The following BTRC variants were observed in gnomAD, a reference collection of about 807,000 sequenced individuals.
BTRC encodes the protein beta-transducin repeat containing E3 ubiquitin protein ligase.
Under a neutral mutation model 85.5 loss-of-function variants are expected in BTRC, and 42 were observed. The observed-to-expected ratio is 0.49, with a 90% confidence interval of 0.38 to 0.64. The LOEUF (loss-of-function observed/expected upper bound fraction) is 0.64. Among genes scored for constraint, BTRC ranks in the 30% least tolerant of loss-of-function variants. BTRC has a pLI of 0.00. For synonymous variants in BTRC, 255 were observed against 263.3 expected, an observed-to-expected ratio of 0.97 and a Z score of 0.30; for missense variants, 594 against 743.5, an observed-to-expected ratio of 0.80 and a Z score of 2.34.
chr10:101,373,867 G>A (rs187431076), intron 1 of BTRC, among the ~76,000 whole-genome samples: 2 of 151,430 alleles, frequency 1.3e-5, no homozygotes, highest in African/African-American at 4.8e-5. Context: ...GCAATGAGCC[G>A]AGATCGTGCC....
chr10:101,455,490 A>T, intron 2 of BTRC, among the ~76,000 whole-genome samples: 1 of 152,134 alleles, frequency 6.6e-6, no homozygotes, highest in East Asian at 1.9e-4. Context: ...GCCAATTGGA[A>T]GTGAAGTTTT....
chr10:101,479,181 C>G (rs796651018), intron 3 of BTRC, among the ~76,000 whole-genome samples, 187 bp from the exon 4 acceptor site: 52 of 149,686 alleles, frequency 3.5e-4, no homozygotes, highest in African/African-American at 1.2e-3. Flanking sequence ...ATGGGCACAT[C>G]AGTGGCTTTT....
At chr10:101,484,646 C>T (rs145959463) in intron 4 of BTRC, among the ~76,000 whole-genome samples, 1,993 of 152,186 alleles carry the variant, frequency 0.013, 24 homozygotes, top group Non-Finnish European at 0.018. Flanking sequence ...TCATATGGTC[C>T]GTTCTTCACA....
chr10:101,418,252 C>T (rs946100426), intron 1 of BTRC, among the ~76,000 whole-genome samples: 2 of 151,920 alleles, frequency 1.3e-5, no homozygotes, highest in African/African-American at 2.4e-5. Flanking sequence ...CCTGTAGTCC[C>T]AGCTACTCAG....
At chr10:101,447,529 A>G (rs1944858424) in intron 2 of BTRC, among the ~76,000 whole-genome samples, 1 of 152,214 alleles carries the variant, frequency 6.6e-6, no homozygotes, top group South Asian at 2.1e-4. Flanking sequence ...CTAATTCTGT[A>G]CTGTAAGAAC....
At position 101,408,537 on chromosome 10, in the gene BTRC, A is replaced by T. The variant is rs1943690380; in HGVS notation, c.49-21808A>T. 2.0e-5 allele frequency among the ~76,000 whole-genome samples: 3 copies of T among 152,066 alleles called. No individual in the cohort carries two copies. In the South Asian group the frequency reaches 6.2e-4, roughly 31 times the overall value. On this transcript the variant is annotated intron_variant, in intron 1 of 14. Coordinates refer to ENST00000370187, the MANE Select transcript of BTRC (RefSeq NM_033637.4). ...GCCCAGGCTGGTCTCCAACTCATGG[A>T]CGCAAGCGATCTGCCACCTGGGCCT...
intron 4 of BTRC, among the ~76,000 whole-genome samples, chr10:101,490,240 A>C (rs1589542103): frequency 1.1e-4 from 15 of 134,702 alleles, no homozygotes; most frequent in Admixed American, 1.5e-4. Context: ...TCCCTCCCTC[A>C]CTCCCTGCCT....
At chr10:101,435,216 T>C (rs1053254264) in intron 2 of BTRC, among the ~76,000 whole-genome samples, 1 of 152,182 alleles carries the variant, frequency 6.6e-6, no homozygotes, top group Non-Finnish European at 1.5e-5. Context: ...TTTATTTAGG[T>C]AAAATTTACA....
intron 4 of BTRC, among the ~76,000 whole-genome samples, chr10:101,518,865 G>A (rs2062060601): frequency 6.6e-6 from 1 of 152,082 alleles, no homozygotes; most frequent in Non-Finnish European, 1.5e-5. Flanking sequence ...AATCCTATTA[G>A]TTTTTTGTTA....
At chr10:101,405,928 G>T (rs564013589) in intron 1 of BTRC, among the ~76,000 whole-genome samples, 2 of 152,254 alleles carry the variant, frequency 1.3e-5, no homozygotes, top group African/African-American at 4.8e-5. Flanking sequence ...GTTGTTGGGT[G>T]AAGTGTTCTA....
At chr10:101,370,131 G>A (rs1379670253) in intron 1 of BTRC, among the ~76,000 whole-genome samples, 2 of 151,926 alleles carry the variant, frequency 1.3e-5, no homozygotes, top group East Asian at 1.9e-4. Flanking sequence ...TTTTTTGTTT[G>A]TTTTGAGACA....
chr10:101,447,956 AT>A (rs1944869396), intron 2 of BTRC, among the ~76,000 whole-genome samples: 1 of 152,126 alleles, frequency 6.6e-6, no homozygotes, highest in African/African-American at 2.4e-5. Context: ...TGATAGTAAA[AT>A]TTTCTATAAT....
chr10:101,454,881 TG>T (rs1337456392), intron 2 of BTRC, among the ~76,000 whole-genome samples: 1 of 152,134 alleles, frequency 6.6e-6, no homozygotes, highest in Non-Finnish European at 1.5e-5. Context: ...AGATGTGTTG[TG>T]GGAAATAACT....
intron 2 of BTRC, among the ~76,000 whole-genome samples, chr10:101,440,517 T>C (rs1417677407): frequency 6.6e-6 from 1 of 152,066 alleles, no homozygotes; most frequent in Non-Finnish European, 1.5e-5. Flanking sequence ...GCTCAGAAAT[T>C]CGAGACCAGC....
intron 4 of BTRC, among the ~76,000 whole-genome samples, chr10:101,484,201 A>C (rs1370320507): frequency 6.6e-6 from 1 of 152,186 alleles, no homozygotes; most frequent in African/African-American, 2.4e-5. Context: ...AAACTGACTG[A>C]GACAGAAAAA....
At chr10:101,408,354 T>C (rs1353539872) in intron 1 of BTRC, among the ~76,000 whole-genome samples, 1 of 152,176 alleles carries the variant, frequency 6.6e-6, no homozygotes, top group Non-Finnish European at 1.5e-5. Context: ...TCACCCAGGC[T>C]GAAATGCAGT....
In BTRC at chr10:101,550,813, GAACCCCCCCGTTC is replaced by G. The variant is rs769349586; in HGVS notation, c.1772_1784del (p.Glu591AlafsTer13). The stretch of plus-strand genomic sequence containing the variant: ...CCTAAATGATCCAGCTGCCCAAGCT[GAACCCCCCCGTTC>G]CCCTTCTCGAACATACACCTACATC... On this transcript the variant is annotated frameshift_variant, in exon 14 of 15. Transcript: ENST00000370187. LOFTEE classifies it high-confidence loss of function. 11 of 1,613,932 alleles carry G rather than the reference GAACCCCCCCGTTC, an allele frequency of 6.8e-6. No individual in the cohort carries two copies. The highest frequency in any genetic ancestry group is 9.3e-6 in the Non-Finnish European group (11 of 1,179,928).
chr10:101,470,791 G>A (rs1945504484), intron 3 of BTRC, among the ~76,000 whole-genome samples: 1 of 152,134 alleles, frequency 6.6e-6, no homozygotes, highest in African/African-American at 2.4e-5. Context: ...TCTTATACGT[G>A]CCATGAAGTA....
intron 1 of BTRC, among the ~76,000 whole-genome samples, chr10:101,392,996 T>G (rs1943276289): frequency 6.6e-6 from 1 of 152,154 alleles, no homozygotes; most frequent in Admixed American, 6.5e-5. Context: ...TGCCCTTCTT[T>G]CACCTGCCCC....
Sources: gnomAD v4.1 joint callset for allele counts (sites outside exome capture counted in the v4.1 genomes callset) on GRCh38, gnomAD v4.1.1 for gene constraint, MANE v1.5 for transcripts, NCBI Gene and HGNC (gene_info 2026-07-23, HGNC 2026-07-21) for gene names.